The following SI variants were observed in gnomAD, a reference collection of about 807,000 sequenced individuals.
SI encodes sucrase-isomaltase.
Under a neutral mutation model 253.3 loss-of-function variants are expected in SI, and 235 were observed. The observed-to-expected ratio is 0.93, with a 90% CI of 0.83 to 1.03. The LOEUF (loss-of-function observed/expected upper bound fraction) is 1.03, where lower values mean the gene tolerates loss of function less well. Among genes scored for constraint, SI ranks in the 50% least tolerant of loss-of-function variants. The pLI, the probability that SI is intolerant of heterozygous loss-of-function variation, is 0.00. For synonymous variants in SI, 819 were observed against 712.0 expected, an observed-to-expected ratio of 1.15 and a Z score of -2.39; for missense variants, 2,442 against 2,211.1, an observed-to-expected ratio of 1.10 and a Z score of -2.09.
chr3:165,032,807 G>A (rs968202058), intron 23 of SI, 115 bp from the exon 24 acceptor site: 4 of 628,772 alleles, frequency 6.4e-6, no homozygotes, highest in Non-Finnish European at 1.1e-5. Context: ...ATTCCCACCA[G>A]CTCTCCTCAT....
chr3:165,043,335 T>C (rs13095976), intron 16 of SI, among the ~76,000 whole-genome samples, 160 bp from the exon 17 acceptor site: 87,546 of 151,204 alleles, frequency 0.58, 25,661 homozygotes, highest in East Asian at 0.81. Context: ...ATTTTTGCTC[T>C]ATCCTTGTCT....
At chr3:165,075,604 G>A (rs1011707812) in intron 2 of SI, among the ~76,000 whole-genome samples, 4 of 151,978 alleles carry the variant, frequency 2.6e-5, no homozygotes, top group South Asian at 2.1e-4. Context: ...ACCAGTAGGC[G>A]ATTATTCCAC....
At position 165,006,945 on chromosome 3, in the gene SI, T is replaced by C; in HGVS notation, c.4277A>G (p.Lys1426Arg). The change falls in exon 37 of 48, where the codon AAA becomes AGA. Residue 1426 changes from lysine (K) to arginine (R), a missense_variant. Lys to Arg is a conservative substitution (Grantham distance 26). Coordinates refer to ENST00000264382, the MANE Select transcript of SI (RefSeq NM_001041.4). ...NYPPYFPELT[K>R]RTDGLHFRTI... is the part of the protein sequence containing the mutation. ...TCTGAAATGTAATCCATCAGTTCTT[T>C]TTGTGAGTTCTGGAAAGAATCAATG... 1 of 1,609,194 alleles carries C rather than the reference T, an allele frequency of 6.2e-7. No individual in the cohort carries two copies. The highest frequency in any genetic ancestry group is 1.1e-5 in the South Asian group (1 of 90,850).
At chr3:165,052,527 G>A (rs1010816698) in intron 13 of SI, among the ~76,000 whole-genome samples, 3 of 152,100 alleles carry the variant, frequency 2.0e-5, no homozygotes. Context: ...GTGGTGAAGT[G>A]CACCTGTAAT....
chr3:165,025,744 C>T (rs1315957728), intron 25 of SI, among the ~76,000 whole-genome samples: 1 of 151,284 alleles, frequency 6.6e-6, no homozygotes, highest in Non-Finnish European at 1.5e-5. Flanking sequence ...AACTAAGGTT[C>T]ATAAATGAAG....
At position 164,984,412 on chromosome 3, in the gene SI, G is replaced by A. The variant is rs530050501; in HGVS notation, c.5198-1361C>T. ...TTAATATGTATTACAAGACATATTA[G>A]TGTCAATATTCCTTAACCATTTTAG... On this transcript the variant is annotated intron_variant, in intron 45 of 47. Transcript: ENST00000264382. 6.6e-5 allele frequency among the ~76,000 whole-genome samples: 10 copies of A among 152,094 alleles called. No homozygotes were observed. The East Asian group carries it at 1.5e-3, about 24-fold the overall frequency.
intron 33 of SI, among the ~76,000 whole-genome samples, chr3:165,013,493 T>C (rs1718867164): frequency 6.6e-6 from 1 of 152,060 alleles, no homozygotes; most frequent in African/African-American, 2.4e-5. Flanking sequence ...ATCCCAGTGA[T>C]TTTCAGAATT....
At chr3:165,084,227 C>G in the SI span, among the ~76,000 whole-genome samples, 588 of 152,108 alleles carry the variant, frequency 3.9e-3, 2 homozygotes, top group East Asian at 0.012. Context: ...GGGTCCTTAC[C>G]AGACATCAAA....
chr3:164,998,536 T>C lies in SI; in HGVS notation c.4540+4A>G, dbSNP rs201654919. The C allele has an allele frequency of 1.1e-4, 182 of 1,611,708 alleles. No homozygotes were observed. The highest frequency in any genetic ancestry group is 1.7e-5 in the Admixed American group (1 of 59,772). ...TAATAATAAAGATGGTGACTTTCAC[T>C]TACCAATGATTGATTTGTCCATGTT... On this transcript the variant is annotated splice_donor_region_variant and intron_variant, in intron 38 of 47. Transcript: ENST00000264382.
At chr3:165,062,542 T>C in intron 8 of SI, 59 bp from the exon 9 acceptor site, 2 of 834,500 alleles carry the variant, frequency 2.4e-6, no homozygotes, top group Non-Finnish European at 4.2e-6. Context: ...TAGTAATTAA[T>C]TGCAAAGTCC....
At chr3:165,003,309 C>T (rs1718342354) in intron 37 of SI, among the ~76,000 whole-genome samples, 1 of 151,746 alleles carries the variant, frequency 6.6e-6, no homozygotes, top group Non-Finnish European at 1.5e-5. Flanking sequence ...AAGATCATCA[C>T]TCAATTTTCA....
intron 6 of SI, among the ~76,000 whole-genome samples, chr3:165,066,718 A>C (rs1190574795): frequency 6.6e-6 from 1 of 151,940 alleles, no homozygotes; most frequent in African/African-American, 2.4e-5. Context: ...CATGGCATTT[A>C]ATATTTTTAT....
intron 12 of SI, among the ~76,000 whole-genome samples, chr3:165,057,301 A>T (rs909487028): frequency 6.6e-6 from 1 of 151,878 alleles, no homozygotes; most frequent in African/African-American, 2.4e-5. Context: ...AGAGGAGACA[A>T]AAAAAGAATA....
Position 164,998,528 on chromosome 3 carries a change from A to C in SI, c.4540+12T>G. ...ACACAAAATAATAATAAAGATGGTG[A>C]CTTTCACTTACCAATGATTGATTTG... On this transcript the variant is annotated intron_variant, in intron 38 of 47. Coordinates refer to ENST00000264382, the MANE Select transcript of SI (RefSeq NM_001041.4). The C allele has an allele frequency of 6.2e-7, 1 of 1,611,374 alleles. No individual in the cohort carries two copies. The highest frequency in any genetic ancestry group is 8.5e-7 in the Non-Finnish European group (1 of 1,178,096).
At chr3:165,069,633 T>G (rs1428588356) in intron 3 of SI, among the ~76,000 whole-genome samples, 1 of 152,068 alleles carries the variant, frequency 6.6e-6, no homozygotes, top group Admixed American at 6.6e-5. Flanking sequence ...TGTAAGGGAT[T>G]TAATTCTACC....
At chr3:165,005,370 A>T (rs540559619) in intron 37 of SI, among the ~76,000 whole-genome samples, 4 of 152,294 alleles carry the variant, frequency 2.6e-5, no homozygotes, top group African/African-American at 9.6e-5. Context: ...TGTTTGTAAC[A>T]CAAAGGATAA....
intron 31 of SI, among the ~76,000 whole-genome samples, chr3:165,017,005 G>A (rs1007749269): frequency 2.6e-5 from 4 of 151,812 alleles, no homozygotes; most frequent in African/African-American, 9.7e-5. Context: ...GTTAGCAGCA[G>A]CATCCCTAGG....
intron 37 of SI, among the ~76,000 whole-genome samples, chr3:165,004,186 G>A (rs796082609): frequency 3.3e-5 from 5 of 152,176 alleles, no homozygotes; most frequent in African/African-American, 9.6e-5. Flanking sequence ...TGGCAATCAG[G>A]CATATGAAGA....
intron 33 of SI, among the ~76,000 whole-genome samples, chr3:165,013,761 G>T (rs1037651093): frequency 5.9e-5 from 9 of 152,114 alleles, no homozygotes; most frequent in Non-Finnish European, 1.0e-4. Context: ...AGGAAGGGGA[G>T]AAATGGTAGA....
Sources: gnomAD v4.1 joint callset for allele counts (sites outside exome capture counted in the v4.1 genomes callset) on GRCh38, gnomAD v4.1.1 for gene constraint, MANE v1.5 for transcripts, NCBI Gene and HGNC (gene_info 2026-07-23, HGNC 2026-07-21) for gene names.